Variants in KCNH7 observed in about 807,000 individuals in gnomAD.
The protein encoded by KCNH7 is potassium voltage-gated channel subfamily H member 7.
In KCNH7, 49 loss-of-function variants were observed where a neutral mutation model predicts 120.8. That is an observed-to-expected ratio of 0.41 (90% confidence interval 0.32 to 0.51). The LOEUF (loss-of-function observed/expected upper bound fraction) is 0.51. Among genes scored for constraint, KCNH7 ranks in the 20% least tolerant of loss-of-function variants. KCNH7 has a pLI of 0.38. For synonymous variants in KCNH7, 547 were observed against 516.1 expected, an observed-to-expected ratio of 1.06 and a Z score of -0.81; for missense variants, 1,097 against 1,446.6, an observed-to-expected ratio of 0.76 and a Z score of 3.92.
At chr2:162,444,055 A>G (rs2105549401) in intron 7 of KCNH7, among the ~76,000 whole-genome samples, 1 of 152,242 alleles carries the variant, frequency 6.6e-6, no homozygotes, top group East Asian at 1.9e-4. Flanking sequence ...TGTAATTTCC[A>G]ATTCAAATTA....
At chr2:162,697,223 C>T (rs1296605921) in intron 2 of KCNH7, among the ~76,000 whole-genome samples, 1 of 152,070 alleles carries the variant, frequency 6.6e-6, no homozygotes, top group Non-Finnish European at 1.5e-5. Context: ...AGGGGTGGAA[C>T]TGAGTTTGAT....
chr2:162,693,407 C>T (rs1686184172), intron 2 of KCNH7, among the ~76,000 whole-genome samples: 1 of 152,146 alleles, frequency 6.6e-6, no homozygotes, highest in African/African-American at 2.4e-5. Flanking sequence ...AGTTTTTCAA[C>T]TACAGCATGA....
chr2:162,521,879 T>C (rs1049468961), intron 3 of KCNH7, among the ~76,000 whole-genome samples: 3 of 151,844 alleles, frequency 2.0e-5, no homozygotes, highest in Admixed American at 6.6e-5. Context: ...TGGTGCCTAT[T>C]ACCTATCCCC....
intron 2 of KCNH7, among the ~76,000 whole-genome samples, chr2:162,764,270 A>G: frequency 6.6e-6 from 1 of 152,122 alleles, no homozygotes; most frequent in Non-Finnish European, 1.5e-5. Flanking sequence ...AGCTACAAGA[A>G]GCCATCATGC....
Position 162,394,391 on chromosome 2 carries a change from T to A in KCNH7, c.2708A>T (p.Lys903Ile). Reference protein sequence around the residue: ...RKLSFESEGEKENSTNDPEDS... With the variant: ...RKLSFESEGEIENSTNDPEDS... ...ACTTTAGGAATGGAATGAATTACCT[T>A]TCTCTCCTTCACTTTCAAATGACAA... Residue 903 changes from lysine to isoleucine, a missense_variant and splice_region_variant, in exon 12 of 16, where the codon AAA (lysine) becomes ATA (isoleucine). Lys to Ile is a moderately radical substitution (Grantham distance 102, BLOSUM62 -3). Around this residue, in one of 8 missense-constraint regions of KCNH7, gnomAD observed 406 missense variants for 410.5 expected, o/e 0.99. Transcript: ENST00000332142. The A allele has an allele frequency of 6.6e-7, 1 of 1,523,840 alleles. No individual in the cohort carries two copies. The highest frequency in any genetic ancestry group is 9.1e-7 in the Non-Finnish European group (1 of 1,098,944). 94.4% of individuals were successfully genotyped at this position (1,523,840 alleles called of 1,614,324 possible).
intron 2 of KCNH7, among the ~76,000 whole-genome samples, chr2:162,710,198 C>T (rs941398076): frequency 6.6e-6 from 1 of 152,066 alleles, no homozygotes; most frequent in Non-Finnish European, 1.5e-5. Flanking sequence ...GCTTTGAAAG[C>T]CAGTTGCTCA....
intron 6 of KCNH7, among the ~76,000 whole-genome samples, chr2:162,463,372 T>C (rs1227145326): frequency 6.6e-6 from 1 of 151,918 alleles, no homozygotes; most frequent in Admixed American, 6.6e-5. Flanking sequence ...TTCCCTTTTT[T>C]TCTCCTTCCA....
intron 9 of KCNH7, among the ~76,000 whole-genome samples, chr2:162,415,156 A>G (rs1296575671): frequency 4.6e-5 from 7 of 151,862 alleles, no homozygotes; most frequent in Non-Finnish European, 7.4e-5. Flanking sequence ...TTTAAAAAAA[A>G]AAACAAAAAA....
chr2:162,617,636 G>A (rs1683196058), intron 2 of KCNH7, among the ~76,000 whole-genome samples: 1 of 152,140 alleles, frequency 6.6e-6, no homozygotes, highest in African/African-American at 2.4e-5. Flanking sequence ...GGATTCTGGA[G>A]ACCATGGTTG....
At chr2:162,622,858 G>A (rs758234290) in intron 2 of KCNH7, among the ~76,000 whole-genome samples, 1 of 152,008 alleles carries the variant, frequency 6.6e-6, no homozygotes, top group Non-Finnish European at 1.5e-5. Flanking sequence ...TATGAGTATT[G>A]GCTTTGCCTC....
chr2:162,827,824 T>C (rs1685339904), intron 2 of KCNH7, among the ~76,000 whole-genome samples: 1 of 152,152 alleles, frequency 6.6e-6, no homozygotes, highest in Non-Finnish European at 1.5e-5. Flanking sequence ...TTAACTTATC[T>C]GTAAAATGGG....
intron 2 of KCNH7, among the ~76,000 whole-genome samples, chr2:162,806,848 T>A (rs997510971): frequency 9.2e-5 from 14 of 152,014 alleles, no homozygotes; most frequent in Admixed American, 7.2e-4. Flanking sequence ...GAATTTTTTT[T>A]TAAAAAAAGA....
intron 9 of KCNH7, among the ~76,000 whole-genome samples, chr2:162,416,652 T>A (rs1253231705): frequency 6.6e-6 from 1 of 152,058 alleles, no homozygotes; most frequent in Non-Finnish European, 1.5e-5. Flanking sequence ...AGCATACTGA[T>A]CTAAGAAGAT....
chr2:162,571,232 G>A (rs1559021431), intron 2 of KCNH7, among the ~76,000 whole-genome samples: 1 of 151,994 alleles, frequency 6.6e-6, no homozygotes. Context: ...AAAATCACAA[G>A]CATTCTTATA....
At chr2:162,489,170 A>ACAC (rs1379772434) in intron 6 of KCNH7, among the ~76,000 whole-genome samples, 21 of 152,340 alleles carry the variant, frequency 1.4e-4, no homozygotes, top group Admixed American at 5.9e-4. Flanking sequence ...CAAGAAACAC[A>ACAC]CACTCTTATT....
chr2:162,541,491 C>T (rs980851198), intron 2 of KCNH7, among the ~76,000 whole-genome samples: 1 of 151,978 alleles, frequency 6.6e-6, no homozygotes, highest in Non-Finnish European at 1.5e-5. Flanking sequence ...TACAGATACA[C>T]CATGGAATAT....
At chr2:162,425,952 G>T (rs1312683659) in intron 8 of KCNH7, among the ~76,000 whole-genome samples, 3 of 152,220 alleles carry the variant, frequency 2.0e-5, no homozygotes, top group East Asian at 3.9e-4. Flanking sequence ...GGTGGCTCAT[G>T]CCTGTAATCC....
intron 2 of KCNH7, among the ~76,000 whole-genome samples, chr2:162,593,458 A>G (rs1272580490): frequency 6.6e-6 from 1 of 152,134 alleles, no homozygotes; most frequent in Non-Finnish European, 1.5e-5. Context: ...AAATCTTAGC[A>G]AAAATGTGAC....
At chr2:162,664,245 A>C (rs1012818906) in intron 2 of KCNH7, among the ~76,000 whole-genome samples, 1 of 152,306 alleles carries the variant, frequency 6.6e-6, no homozygotes, top group African/African-American at 2.4e-5. Flanking sequence ...GTGCACATAT[A>C]ACCTCTTTCA....
Sources: gnomAD v4.1 joint callset for allele counts (sites outside exome capture counted in the v4.1 genomes callset) on GRCh38, gnomAD v4.1.1 for gene constraint, gnomAD v4.1.1 regional missense constraint, MANE v1.5 for transcripts, NCBI Gene and HGNC (gene_info 2026-07-23, HGNC 2026-07-21) for gene names.